The following DAB1 variants were observed in gnomAD, a reference collection of about 807,000 sequenced individuals.
The protein encoded by DAB1 is disabled homolog 1.
In DAB1, 15 loss-of-function variants were observed where a neutral mutation model predicts 64.6. The ratio of observed to expected loss-of-function variants is 0.23; its 90% CI spans 0.16 to 0.36. The LOEUF is 0.36. Among genes scored for constraint, DAB1 ranks in the 10% least tolerant of loss-of-function variants. The pLI, the probability that DAB1 is intolerant of heterozygous loss-of-function variation, is 1.00. For missense variants in DAB1, 596 were observed against 706.7 expected (o/e 0.84, Z 1.78); for synonymous variants, 235 against 251.9 (o/e 0.93, Z 0.64).
intron 7 of DAB1, among the ~76,000 whole-genome samples, chr1:57,590,664 A>T (rs1361091019): frequency 6.6e-6 from 1 of 151,376 alleles, no homozygotes; most frequent in African/African-American, 2.4e-5. Flanking sequence ...CCTTCTTCAA[A>T]TACAGTCATG....
chr1:58,116,342 A>C (rs1326650812), intron 5 of DAB1, among the ~76,000 whole-genome samples: 1 of 152,212 alleles, frequency 6.6e-6, no homozygotes, highest in Non-Finnish European at 1.5e-5. Context: ...AGGTGAGGAA[A>C]AGAAAAGCAC....
At chr1:57,515,975 A>G (rs1644459605) in intron 7 of DAB1, among the ~76,000 whole-genome samples, 1 of 152,246 alleles carries the variant, frequency 6.6e-6, no homozygotes, top group African/African-American at 2.4e-5. Context: ...AAGACAAGCC[A>G]AGGCCTGTAG....
In DAB1 at chr1:57,087,260, C is replaced by A. The variant is rs146122979; in HGVS notation, c.307-14846G>T. Among the ~76,000 whole-genome samples, 222 of 152,322 alleles carry A rather than the reference C, an allele frequency of 1.5e-3. 1 individual carries two copies. The highest frequency in any genetic ancestry group is 5.0e-3 in the African/African-American group (208 of 41,576). On this transcript the variant is annotated intron_variant, in intron 4 of 14. Coordinates refer to ENST00000371236, the MANE Select transcript of DAB1 (RefSeq NM_001365792.1). Reference sequence around the variant, plus strand: ...TGCAGGAGACAGCCAGGTGCATGGGCAACTGTAATAGGGCATGGCAAGTTC... The same window carrying A: ...TGCAGGAGACAGCCAGGTGCATGGGAAACTGTAATAGGGCATGGCAAGTTC...
At chr1:58,459,237 A>T (rs72669873) in intron 3 of DAB1, among the ~76,000 whole-genome samples, 7,345 of 152,330 alleles carry the variant, frequency 0.048, 233 homozygotes, top group East Asian at 0.12. Flanking sequence ...AAAACCTAGG[A>T]TCTTAAAACA....
At chr1:57,151,292 T>C (rs926395061) in intron 2 of DAB1, among the ~76,000 whole-genome samples, 12 of 152,164 alleles carry the variant, frequency 7.9e-5, no homozygotes, top group African/African-American at 2.4e-4. Flanking sequence ...ATTCCTTTAT[T>C]TGATATTTAT....
chr1:57,030,847 T>C (rs867979146), intron 9 of DAB1, among the ~76,000 whole-genome samples: 17 of 152,258 alleles, frequency 1.1e-4, no homozygotes, highest in Non-Finnish European at 8.8e-5. Flanking sequence ...GTTTATTTAA[T>C]CAATTCAAAT....
chr1:57,008,732 T>C (rs1040777165), intron 14 of DAB1, among the ~76,000 whole-genome samples: 1 of 152,186 alleles, frequency 6.6e-6, no homozygotes, highest in East Asian at 1.9e-4. Flanking sequence ...GATTACTCAG[T>C]GTCTGTCTCT....
chr1:57,167,036 A>T (rs899924014), intron 2 of DAB1, among the ~76,000 whole-genome samples: 24 of 152,324 alleles, frequency 1.6e-4, no homozygotes, highest in African/African-American at 5.8e-4. Context: ...GTTCAGGAAC[A>T]TTACATTATT....
In DAB1 at chr1:58,048,616, A is replaced by G. The variant is rs1043294679; in HGVS notation, n.387+101895T>C. On this transcript the variant is annotated intron_variant and non_coding_transcript_variant, in intron 5 of 20. Coordinates refer to the DAB1 transcript ENST00000485760. Reference sequence around the variant, plus strand: ...TGACATCACAGCTGCCACCAAAGCCACCATGACCACTAAAGTTTCCTCCAC... The same window carrying G: ...TGACATCACAGCTGCCACCAAAGCCGCCATGACCACTAAAGTTTCCTCCAC... 7.3e-6 allele frequency: 8 copies of G among 1,090,098 alleles called. No individual in the cohort carries two copies. In the African/African-American group the frequency reaches 1.2e-4, roughly 17 times the overall value. The allele number at this position is 1,090,098 out of a possible 1,614,324, so 67.5% of individuals were successfully genotyped here.
intron 2 of DAB1, among the ~76,000 whole-genome samples, chr1:57,230,467 A>G (rs1228112953): frequency 6.6e-6 from 1 of 152,196 alleles, no homozygotes; most frequent in African/African-American, 2.4e-5. Context: ...AGTAACAAAC[A>G]AACATAATTT....
At chr1:57,270,072 T>C (rs1307734475) in intron 2 of DAB1, among the ~76,000 whole-genome samples, 1 of 152,206 alleles carries the variant, frequency 6.6e-6, no homozygotes, top group Non-Finnish European at 1.5e-5. Context: ...GCACTGGATG[T>C]CTGCCCACAA....
At chr1:58,147,445 C>A (rs1052388485) in intron 5 of DAB1, among the ~76,000 whole-genome samples, 2 of 151,592 alleles carry the variant, frequency 1.3e-5, no homozygotes, top group African/African-American at 4.9e-5. Flanking sequence ...AGTGAAATCC[C>A]CTCTCTACCA....
At chr1:58,069,075 G>A (rs1385592553) in intron 5 of DAB1, among the ~76,000 whole-genome samples, 6 of 152,094 alleles carry the variant, frequency 3.9e-5, no homozygotes, top group East Asian at 1.9e-4. Context: ...GCTATATGAC[G>A]GCTTTGTCAA....
Position 57,259,631 on chromosome 1 carries a change from G to A in DAB1, c.67+31333C>T, listed in dbSNP as rs181800437. 4.5e-4 allele frequency among the ~76,000 whole-genome samples: 68 copies of A among 152,314 alleles called. 1 individual carries two copies. The highest frequency in any genetic ancestry group is 7.7e-4 in the East Asian group (4 of 5,176). Reference sequence around the variant, plus strand: ...GCAACGTGAGATGCTGCAAAACACAGAGTAAAGGACACACAGTTGAAGGGA... The same window carrying A: ...GCAACGTGAGATGCTGCAAAACACAAAGTAAAGGACACACAGTTGAAGGGA... On this transcript the variant is annotated intron_variant, in intron 2 of 14. Transcript: ENST00000371236.
chr1:58,303,013 T>C (rs1327379842), intron 4 of DAB1, among the ~76,000 whole-genome samples: 1 of 152,186 alleles, frequency 6.6e-6, no homozygotes, highest in Non-Finnish European at 1.5e-5. Flanking sequence ...GGCTGGTCTC[T>C]GCAAACTATA....
intron 3 of DAB1, among the ~76,000 whole-genome samples, chr1:58,467,510 G>A (rs1312488562): frequency 1.3e-5 from 2 of 152,300 alleles, no homozygotes; most frequent in East Asian, 3.9e-4. Flanking sequence ...GAAATGAGTA[G>A]ATGAGAGTCT....
chr1:57,407,190 C>T (rs559880798), intron 1 of DAB1, among the ~76,000 whole-genome samples: 9 of 152,276 alleles, frequency 5.9e-5, no homozygotes, highest in African/African-American at 1.2e-4. Flanking sequence ...GTTTTCCCCG[C>T]GCCAGTAGGA....
At chr1:57,492,960 C>T (rs1392124285) in intron 7 of DAB1, among the ~76,000 whole-genome samples, 2 of 152,056 alleles carry the variant, frequency 1.3e-5, no homozygotes, top group East Asian at 3.9e-4. Context: ...ATGAAGCTAT[C>T]CCTGGCTTCC....
chr1:57,354,535 TG>T (rs1678903627), intron 1 of DAB1, among the ~76,000 whole-genome samples: 1 of 151,994 alleles, frequency 6.6e-6, no homozygotes, highest in Non-Finnish European at 1.5e-5. Flanking sequence ...GGGTTGAGGG[TG>T]GGGGGTTAGG....
Sources: gnomAD v4.1 joint callset for allele counts (sites outside exome capture counted in the v4.1 genomes callset) on GRCh38, gnomAD v4.1.1 for gene constraint, MANE v1.5 for transcripts, NCBI Gene and HGNC (gene_info 2026-07-23, HGNC 2026-07-21) for gene names.